Variants in ASH1L observed in about 807,000 individuals in gnomAD.
The protein encoded by ASH1L is ASH1 like histone lysine methyltransferase.
A neutral mutation model predicts 269.0 loss-of-function variants in ASH1L; 23 were observed. That is an observed-to-expected ratio of 0.09 (90% CI 0.06 to 0.12). ASH1L has a LOEUF of 0.12. ASH1L is among the 10% of genes least tolerant of loss of function. The pLI, the probability that ASH1L is intolerant of heterozygous loss-of-function variation, is 1.00. For synonymous variants in ASH1L, 1,187 were observed against 1,253.5 expected, an observed-to-expected ratio of 0.95 and a Z score of 1.12; for missense variants, 2,912 against 3,567.8, an observed-to-expected ratio of 0.82 and a Z score of 4.68.
chr1:155,434,220 C>T (rs1017052913), intron 5 of ASH1L: 18 of 1,599,318 alleles, frequency 1.1e-5, no homozygotes, highest in South Asian at 9.0e-5. Flanking sequence ...GCCTTTCCCC[C>T]GTCTCCGTCA....
intron 24 of ASH1L, 48 bp from the exon 25 acceptor site, chr1:155,342,150 C>T: frequency 1.3e-6 from 2 of 1,590,150 alleles, no homozygotes; most frequent in Non-Finnish European, 1.7e-6. Flanking sequence ...CATTTCTCCC[C>T]CTGAGCTGCC....
intron 5 of ASH1L, among the ~76,000 whole-genome samples, chr1:155,429,475 G>A (rs533814750): frequency 3.0e-4 from 45 of 152,108 alleles, no homozygotes; most frequent in African/African-American, 1.0e-3. Context: ...TGTTGCCTAG[G>A]CTACTCTCAA....
chr1:155,443,791 T>C (rs1441009305), intron 4 of ASH1L, among the ~76,000 whole-genome samples: 5 of 152,216 alleles, frequency 3.3e-5, no homozygotes, highest in African/African-American at 1.2e-4. Flanking sequence ...ACTATTCACA[T>C]ATTTCTTTTT....
chr1:155,376,043 G>T (rs538313488), intron 10 of ASH1L, among the ~76,000 whole-genome samples: 1 of 152,320 alleles, frequency 6.6e-6, no homozygotes, highest in South Asian at 2.1e-4. Flanking sequence ...GGTAGAAGTT[G>T]TAGTGAGCTG....
At chr1:155,524,676 A>C (rs1443031883) in intron 1 of ASH1L, among the ~76,000 whole-genome samples, 2 of 149,808 alleles carry the variant, frequency 1.3e-5, no homozygotes, top group African/African-American at 5.1e-5. Flanking sequence ...CTACAAAAAT[A>C]AAAAATAAAA....
At chr1:155,488,852 A>AT (rs1186320875) in intron 2 of ASH1L, among the ~76,000 whole-genome samples, 1 of 152,054 alleles carries the variant, frequency 6.6e-6, no homozygotes. Context: ...TAAGCATGTA[A>AT]TTTTTTCCAA....
chr1:155,508,369 G>A (rs1667949653), intron 2 of ASH1L, among the ~76,000 whole-genome samples: 2 of 152,292 alleles, frequency 1.3e-5, no homozygotes, highest in South Asian at 4.1e-4. Flanking sequence ...TCCAAGCATG[G>A]TGGCTCATGC....
chr1:155,349,985 G>A (rs1056218989), intron 17 of ASH1L, among the ~76,000 whole-genome samples: 9 of 151,272 alleles, frequency 5.9e-5, no homozygotes, highest in African/African-American at 2.2e-4. Flanking sequence ...CACCTCCCGG[G>A]TTCATGCCAT....
At chr1:155,342,674 T>C (rs974556209) in intron 24 of ASH1L, among the ~76,000 whole-genome samples, 1 of 152,218 alleles carries the variant, frequency 6.6e-6, no homozygotes, top group Non-Finnish European at 1.5e-5. Context: ...TTGTAGATTA[T>C]TTTATATAAT....
At chr1:155,433,520 C>T in intron 5 of ASH1L, 2 of 1,610,030 alleles carry the variant, frequency 1.2e-6, no homozygotes, top group South Asian at 1.1e-5. Flanking sequence ...CTCCCTGGAG[C>T]CCTGCACCGT....
At chr1:155,532,736 T>C (rs568541414) in intron 1 of ASH1L, among the ~76,000 whole-genome samples, 1 of 150,092 alleles carries the variant, frequency 6.7e-6, no homozygotes, top group East Asian at 2.0e-4. Flanking sequence ...GGCAGAAGAA[T>C]CACTTGAACC....
At chr1:155,372,522 TGG>T (rs1331343428) in intron 10 of ASH1L, among the ~76,000 whole-genome samples, 5 of 151,978 alleles carry the variant, frequency 3.3e-5, no homozygotes, top group Non-Finnish European at 7.4e-5. Flanking sequence ...TTGGCCAGGC[TGG>T]TCTCGAACTC....
intron 5 of ASH1L, among the ~76,000 whole-genome samples, chr1:155,436,493 T>TTTC (rs1431423500): frequency 7.6e-6 from 1 of 131,898 alleles, no homozygotes; most frequent in African/African-American, 2.9e-5. Context: ...TGCGTGGACT[T>TTTC]TTTTTTTTTT....
intron 1 of ASH1L, among the ~76,000 whole-genome samples, chr1:155,526,967 G>A (rs1016356257): frequency 1.3e-5 from 2 of 152,200 alleles, no homozygotes; most frequent in African/African-American, 4.8e-5. Context: ...GCAGTTGGGA[G>A]GCCAAGGCGG....
rs542281183 is a variant in ASH1L at position 155,545,943 on chromosome 1, T to C, written c.-100+16210A>G. Among the ~76,000 whole-genome samples the C allele has an allele frequency of 3.3e-5, 5 of 151,332 alleles. No homozygotes were observed. The South Asian group carries it at 1.0e-3, about 32-fold the overall frequency. On this transcript the variant is annotated intron_variant, in intron 1 of 27. Coordinates refer to ENST00000392403, the MANE Select transcript of ASH1L (RefSeq NM_018489.3). ...AGGCCAAGGCAGGCAGATCACTAGA[T>C]GTCAGGAGTTCGAGACCAGCCTGGC...
At chr1:155,378,431 A>G (rs2148438955) in intron 9 of ASH1L, 42 bp from the exon 10 acceptor site, 2 of 1,609,530 alleles carry the variant, frequency 1.2e-6, no homozygotes, top group East Asian at 4.5e-5. Flanking sequence ...CATACAGGAT[A>G]ATTTTTCAAG....
At chr1:155,400,058 A>C (rs1658700068) in intron 6 of ASH1L, among the ~76,000 whole-genome samples, 1 of 152,212 alleles carries the variant, frequency 6.6e-6, no homozygotes, top group Non-Finnish European at 1.5e-5. Context: ...GACCCCAATG[A>C]GGACATATGC....
chr1:155,343,263 G>T lies in ASH1L; in HGVS notation c.8293+51C>A, dbSNP rs376489115. The stretch of plus-strand genomic sequence containing the variant: ...CCCACACCGCTGGGATTATCAGCGT[G>T]AGCCACTGCACTTGGCCGAGGTCAT... On this transcript the variant is annotated intron_variant, in intron 24 of 27. Coordinates refer to ENST00000392403, the MANE Select transcript of ASH1L (RefSeq NM_018489.3). This position sits in a 1 kb window ranked among gnomAD's most constrained non-coding sequence, Gnocchi z 6.1. 15 of 1,567,378 alleles carry T rather than the reference G, an allele frequency of 9.6e-6. No homozygotes were observed. Among genetic ancestry groups the T allele is most frequent in the Non-Finnish European group, 1.2e-5 (14 of 1,153,252 alleles).
rs532702979 is a variant in ASH1L, at chr1:155,538,341, C to A, written c.-99-16723G>T. ...TACAGGCATGAGCTATGGCACCTGG[C>A]GTTTTTTTGTTTGTTTGTTTGTTTG... On this transcript the variant is annotated intron_variant, in intron 1 of 27. Coordinates refer to ENST00000392403, the MANE Select transcript of ASH1L (RefSeq NM_018489.3). Among the ~76,000 whole-genome samples the A allele has an allele frequency of 1.0e-3, 152 of 145,728 alleles. 1 individual carries two copies. Among genetic ancestry groups the A allele is most frequent in the African/African-American group, 3.7e-3 (144 of 39,300 alleles).
Sources: allele counts gnomAD v4.1 joint callset (sites outside exome capture counted in the v4.1 genomes callset), GRCh38; gene constraint gnomAD v4.1.1; non-coding constraint Gnocchi (gnomAD v3.1); transcripts MANE v1.5; gene names NCBI Gene and HGNC (gene_info 2026-07-23, HGNC 2026-07-21).